The following LINGO3 variants were observed in gnomAD, a reference collection of about 807,000 sequenced individuals.
The protein encoded by LINGO3 is leucine rich repeat and Ig domain containing 3.
For missense variants in LINGO3, 750 were observed against 867.7 expected (o/e 0.86, Z 1.70); for synonymous variants, 427 against 444.2 (o/e 0.96, Z 0.49).
chr19:2,287,959 A>G (rs2025481478), downstream of LINGO3, among the ~76,000 whole-genome samples: 1 of 152,076 alleles, frequency 6.6e-6, no homozygotes, highest in Non-Finnish European at 1.5e-5. This position sits in a 1 kb window ranked among gnomAD's most constrained non-coding sequence, Gnocchi z 4.5. Context: ...TGCCCCCAGC[A>G]ATGTCCTAAC....
chr19:2,295,015 C>T (rs1203722580), upstream of LINGO3, among the ~76,000 whole-genome samples: 1 of 152,166 alleles, frequency 6.6e-6, no homozygotes, highest in Non-Finnish European at 1.5e-5. Flanking sequence ...GCCTTCGATC[C>T]TCATTTGCTA....
At chr19:2,300,177 G>A in the LINGO3 span, among the ~76,000 whole-genome samples, 85 of 151,896 alleles carry the variant, frequency 5.6e-4, no homozygotes, top group African/African-American at 1.9e-3. Context: ...GATTAAAGGT[G>A]CATGCCACCA....
At position 2,291,933 on chromosome 19, in the gene LINGO3, A is replaced by G. The variant is rs548649026; in HGVS notation, c.-157T>C. On this transcript the variant is annotated 5_prime_UTR_variant, in exon 1 of 1. Coordinates refer to ENST00000585527, the Ensembl canonical transcript of LINGO3. ...CCAGCACGGCGGCTCGCTCCTGTAA[A>G]CCCAGCATTTTGGGAGGCTGAGATG... The G allele has an allele frequency of 1.7e-4, 110 of 661,982 alleles. 1 individual carries two copies. The African/African-American group carries it at 1.8e-3, about 11-fold the overall frequency. 41.0% of individuals were successfully genotyped at this position (661,982 alleles called of 1,614,324 possible). A position where few individuals can be genotyped will look rare whatever the true frequency, so the allele number is the denominator to read the frequency against.
chr19:2,295,950 C>A (rs747519406), upstream of LINGO3, among the ~76,000 whole-genome samples: 4 of 151,548 alleles, frequency 2.6e-5, no homozygotes, highest in Non-Finnish European at 5.9e-5. Flanking sequence ...GGTCCTCCTG[C>A]CCCCAGCTTG....
chr19:2,290,263 C>A lies in LINGO3; in HGVS notation c.1514G>T (p.Arg505Leu), dbSNP rs374612947. 1.2e-4 allele frequency: 186 copies of A among 1,598,192 alleles called. No homozygotes were observed. The highest frequency in any genetic ancestry group is 2.5e-4 in the Admixed American group (15 of 59,220). Residue 505 changes from arginine to leucine, a missense_variant, in exon 1 of 1, where the codon CGG becomes CTG. By Grantham distance (102) the Arg-to-Leu change is moderately radical. Transcript: ENST00000585527. This position sits in a 1 kb window ranked among gnomAD's most constrained non-coding sequence, Gnocchi z 6.0. The stretch of plus-strand genomic sequence containing the variant: ...CTCGTTGTGGGCCTCGCCCGGGGTC[C>A]GGTTGGCGGCCGGCTCGGGGCGCAC...
upstream of LINGO3, among the ~76,000 whole-genome samples, chr19:2,294,273 G>C (rs1300928328): frequency 2.6e-5 from 4 of 152,132 alleles, no homozygotes; most frequent in Admixed American, 2.0e-4. This position sits in a 1 kb window ranked among gnomAD's most constrained non-coding sequence, Gnocchi z 4.3. Context: ...CGGAGGCAGA[G>C]GCTAGGGTGA....
the LINGO3 span, among the ~76,000 whole-genome samples, chr19:2,298,278 T>C: frequency 3.9e-5 from 6 of 152,164 alleles, no homozygotes; most frequent in Non-Finnish European, 7.4e-5. Flanking sequence ...TTGCCCAGGT[T>C]GGAGTGCAGT....
the LINGO3 span, among the ~76,000 whole-genome samples, chr19:2,300,714 C>G: frequency 6.6e-6 from 1 of 152,180 alleles, no homozygotes; most frequent in Non-Finnish European, 1.5e-5. Context: ...ACTGCCAGGC[C>G]TCCGTCCCCC....
rs775703955 is a variant in LINGO3 at position 2,290,787 on chromosome 19, G to C, written c.990C>G (p.Leu330=). The C allele has an allele frequency of 6.2e-7, 1 of 1,612,642 alleles. No homozygotes were observed. Among genetic ancestry groups the C allele is most frequent in the Non-Finnish European group, 8.5e-7 (1 of 1,179,670 alleles). ...GGAAGGTGCTCTCCTCCAACGTGGA[G>C]AGCAGGTTGTTGGAGAGGTTGAGCA... The change falls in exon 1 of 1, where the codon CTC becomes CTG. Residue 330 remains leucine (L), a synonymous_variant. Coordinates refer to ENST00000585527, the Ensembl canonical transcript of LINGO3. The surrounding 1 kb of genome is among the most constrained non-coding windows in gnomAD (Gnocchi z 6.0).
At position 2,290,090 on chromosome 19, in the gene LINGO3, A is replaced by G. The variant is rs1019376163; in HGVS notation, c.1687T>C (p.Phe563Leu). The G allele has an allele frequency of 1.3e-6, 2 of 1,594,894 alleles. No homozygotes were observed. Among genetic ancestry groups the G allele is most frequent in the African/African-American group, 2.7e-5 (2 of 74,428 alleles). ...TTGCGGAAGGAGTACTCCACCGAGA[A>G]GTTGTTTTTGTGCTGCCCGCGGCCG... Residue 563 changes from phenylalanine (F) to leucine (L), a missense_variant, in exon 1 of 1, where the codon TTC becomes CTC. Physicochemically the swap from Phe to Leu is conservative, Grantham distance 22. Transcript: ENST00000585527. This position sits in a 1 kb window ranked among gnomAD's most constrained non-coding sequence, Gnocchi z 6.0.
chr19:2,287,301 T>C (rs533570254), downstream of LINGO3, among the ~76,000 whole-genome samples: 12 of 152,218 alleles, frequency 7.9e-5, no homozygotes, highest in South Asian at 2.3e-3. The surrounding 1 kb of genome is among the most constrained non-coding windows in gnomAD (Gnocchi z 4.5). Flanking sequence ...AATATACGGA[T>C]GCTCTGTGAA....
chr19:2,296,863 C>T (rs62119709), upstream of LINGO3, among the ~76,000 whole-genome samples: 6 of 150,624 alleles, frequency 4.0e-5, no homozygotes, highest in East Asian at 1.0e-3. Context: ...CCGAGGCGGG[C>T]AGATCACAAG....
chr19:2,296,612 G>A (rs1372820221), upstream of LINGO3, among the ~76,000 whole-genome samples: 1 of 152,004 alleles, frequency 6.6e-6, no homozygotes, highest in East Asian at 2.0e-4. Flanking sequence ...CCAAGTAGCT[G>A]GGGTTACAGG....
chr19:2,304,428 A>G, the LINGO3 span, among the ~76,000 whole-genome samples: 1 of 152,106 alleles, frequency 6.6e-6, no homozygotes, highest in African/African-American at 2.4e-5. Flanking sequence ...AGATAAGGCC[A>G]CCCTTACATG....
rs1414270713 is a variant in LINGO3, at chr19:2,291,809, ATCC to A, written c.-36_-34del. The A allele has an allele frequency of 6.8e-7, 1 of 1,460,980 alleles. No individual in the cohort carries two copies. The highest frequency in any genetic ancestry group is 1.2e-5 in the South Asian group (1 of 80,388). 90.5% of individuals were successfully genotyped at this position (1,460,980 alleles called of 1,614,324 possible). On this transcript the variant is annotated 5_prime_UTR_variant, in exon 1 of 1. It adds an upstream start codon to the 5' untranslated region. Coordinates refer to ENST00000585527, the Ensembl canonical transcript of LINGO3. ...AGCGTGGGCCTAGGGCCGCGCCACC[ATCC>A]TCCTGCGCACCTGCGGGCGGGCGGG... is the stretch of plus-strand genomic sequence containing the variant.
At chr19:2,303,719 C>T in the LINGO3 span, among the ~76,000 whole-genome samples, 3 of 152,248 alleles carry the variant, frequency 2.0e-5, no homozygotes, top group Admixed American at 2.0e-4. Context: ...TCTTGACTCT[C>T]GGCTGCACCT....
chr19:2,302,060 GTTTT>G, the LINGO3 span, among the ~76,000 whole-genome samples: 1 of 71,734 alleles, frequency 1.4e-5, no homozygotes, highest in Non-Finnish European at 2.7e-5. Flanking sequence ...TTTGTGGGTA[GTTTT>G]TTTTTTTTTT....
upstream of LINGO3, among the ~76,000 whole-genome samples, chr19:2,296,629 C>T (rs1307776122): frequency 6.6e-6 from 1 of 151,984 alleles, no homozygotes; most frequent in African/African-American, 2.4e-5. Flanking sequence ...CAGGTGCCCA[C>T]TACCACACCC....
At position 2,291,060 on chromosome 19, in the gene LINGO3, C is replaced by T. The variant is rs539053151; in HGVS notation, c.717G>A (p.Ala239=). Residue 239 remains alanine, a synonymous_variant, in exon 1 of 1, where the codon GCG becomes GCA. Coordinates refer to ENST00000585527, the Ensembl canonical transcript of LINGO3. ...GGTTCAGGCCCCGCAGGCTGCCCGC[C>T]GCCACCTCCTCCAGCAGCGGCCAGT... is the stretch of plus-strand genomic sequence containing the variant. The T allele has an allele frequency of 1.5e-3, 2,425 of 1,610,114 alleles. 6 individuals carry two copies. Among genetic ancestry groups the T allele is most frequent in the Non-Finnish European group, 1.8e-3 (2,162 of 1,178,992 alleles).
Sources: allele counts gnomAD v4.1 joint callset (sites outside exome capture counted in the v4.1 genomes callset), GRCh38; gene constraint gnomAD v4.1.1; non-coding constraint Gnocchi (gnomAD v3.1); transcripts MANE v1.5; gene names NCBI Gene and HGNC (gene_info 2026-07-23, HGNC 2026-07-21).